Variants in TMOD3 observed in about 807,000 individuals in gnomAD.
TMOD3 encodes the protein tropomodulin 3.
TMOD3 carries 20 observed loss-of-function variants against 39.2 expected under a neutral mutation model. That is an observed-to-expected ratio of 0.51 (90% CI 0.36 to 0.74). The LOEUF (loss-of-function observed/expected upper bound fraction) is 0.74, where lower values mean the gene tolerates loss of function less well. Ranked by LOEUF, TMOD3 falls within the 30% of genes least tolerant of loss-of-function variation. TMOD3 has a pLI of 0.00. For synonymous variants in TMOD3, 143 were observed against 145.8 expected (o/e 0.98, Z 0.14); for missense variants, 381 against 412.8 (o/e 0.92, Z 0.67).
At chr15:51,904,514 C>G (rs77789465) in intron 9 of TMOD3, among the ~76,000 whole-genome samples, 3 of 152,282 alleles carry the variant, frequency 2.0e-5, no homozygotes, top group African/African-American at 4.8e-5. Flanking sequence ...CATTTTTCCT[C>G]TCCTTGGAAA....
chr15:51,884,227 G>A (rs1595904906), intron 3 of TMOD3, among the ~76,000 whole-genome samples: 1 of 152,192 alleles, frequency 6.6e-6, no homozygotes, highest in Non-Finnish European at 1.5e-5. Flanking sequence ...TGGACTGAAG[G>A]TGATCACCAA....
At chr15:51,846,669 A>G in intron 1 of TMOD3, among the ~76,000 whole-genome samples, 1 of 152,204 alleles carries the variant, frequency 6.6e-6, no homozygotes. Flanking sequence ...CTTTCCCTGT[A>G]AGCCACTTCA....
At chr15:51,881,058 C>G (rs982046097) in intron 3 of TMOD3, among the ~76,000 whole-genome samples, 6 of 152,146 alleles carry the variant, frequency 3.9e-5, no homozygotes, top group African/African-American at 1.4e-4. Flanking sequence ...TCCCTAATAA[C>G]TAATGATACT....
chr15:51,841,854 C>G (rs892036537), intron 1 of TMOD3, among the ~76,000 whole-genome samples: 2 of 152,208 alleles, frequency 1.3e-5, no homozygotes, highest in Non-Finnish European at 2.9e-5. Context: ...ACTGCAACCT[C>G]CGCTTCCTGT....
Position 51,851,208 on chromosome 15 carries a change from G to T in TMOD3, c.-74-11603G>T, listed in dbSNP as rs190694323. ...GGACTGGGCTGTGAGAAGAAAGAAG[G>T]TCAGGGAACTCAGAGTAAGGGGATC... On this transcript the variant is annotated intron_variant, in intron 1 of 9. Coordinates refer to ENST00000308580, the MANE Select transcript of TMOD3 (RefSeq NM_014547.5). Among the ~76,000 whole-genome samples, 1,355 of 152,260 alleles carry T rather than the reference G, an allele frequency of 8.9e-3. 23 individuals carry two copies. Among genetic ancestry groups the T allele is most frequent in the Non-Finnish European group, 8.5e-3 (581 of 68,008 alleles).
chr15:51,850,561 G>C (rs2056356623), intron 1 of TMOD3, among the ~76,000 whole-genome samples: 1 of 152,204 alleles, frequency 6.6e-6, no homozygotes, highest in East Asian at 1.9e-4. Flanking sequence ...ATCTAAGAGA[G>C]TAGGAGAGTG....
chr15:51,876,619 G>A (rs2056505222), intron 3 of TMOD3, among the ~76,000 whole-genome samples: 2 of 151,602 alleles, frequency 1.3e-5, no homozygotes, highest in African/African-American at 2.4e-5. Context: ...CTGCCACCTC[G>A]CCCGGCTAAT....
Position 51,829,902 on chromosome 15 carries a change from A to T in TMOD3, c.-75+66A>T, listed in dbSNP as rs564318667. 6 of 151,462 alleles carry T rather than the reference A, an allele frequency of 4.0e-5. No homozygotes were observed. In the East Asian group the frequency reaches 6.0e-4, roughly 15 times the overall value. 9.4% of individuals were successfully genotyped at this position (151,462 alleles called of 1,614,324 possible). ...GCGCGGGTAGGGAGTCGCACCGGCC[A>T]TGGTGGCTGAGGAGGGAGAGGTTGC... On this transcript the variant is annotated intron_variant, in intron 1 of 9. Coordinates refer to ENST00000308580, the MANE Select transcript of TMOD3 (RefSeq NM_014547.5).
chr15:51,849,983 G>A (rs1471648741), intron 1 of TMOD3, among the ~76,000 whole-genome samples: 2 of 151,912 alleles, frequency 1.3e-5, no homozygotes, highest in East Asian at 3.9e-4. Flanking sequence ...GTTGGATTTA[G>A]CACTGTGCTG....
chr15:51,889,175 A>C, intron 5 of TMOD3, 30 bp downstream of exon 5: 1 of 1,413,452 alleles, frequency 7.1e-7, no homozygotes, highest in East Asian at 2.3e-5. Context: ...TGTGAATTCT[A>C]ATCCTTTATT....
intron 3 of TMOD3, among the ~76,000 whole-genome samples, chr15:51,876,527 T>C (rs1201221651): frequency 6.7e-6 from 1 of 149,598 alleles, no homozygotes; most frequent in Non-Finnish European, 1.5e-5. Flanking sequence ...AGTGGTGTGA[T>C]CTCGGCTCAC....
chr15:51,839,985 C>T (rs966423808), intron 1 of TMOD3, among the ~76,000 whole-genome samples: 2 of 152,104 alleles, frequency 1.3e-5, no homozygotes, highest in African/African-American at 4.8e-5. Flanking sequence ...ACTGAGTCCC[C>T]TTATATTACT....
intron 1 of TMOD3, among the ~76,000 whole-genome samples, chr15:51,849,129 C>G (rs538748203): frequency 6.6e-6 from 1 of 152,238 alleles, no homozygotes; most frequent in Admixed American, 6.5e-5. Context: ...AAAGAGATGA[C>G]TTTTAAAGGT....
intron 1 of TMOD3, among the ~76,000 whole-genome samples, chr15:51,840,655 C>A (rs981149645): frequency 6.6e-6 from 1 of 152,126 alleles, no homozygotes; most frequent in African/African-American, 2.4e-5. Context: ...ATAATAATTT[C>A]TCCTGCCCTT....
intron 3 of TMOD3, among the ~76,000 whole-genome samples, chr15:51,871,611 T>G (rs2056475101): frequency 6.6e-6 from 1 of 152,142 alleles, no homozygotes; most frequent in Admixed American, 6.5e-5. Flanking sequence ...CCTTGTTTCA[T>G]AATCTCCAGT....
In TMOD3 at chr15:51,909,750, A is replaced by G. The variant is rs947590675; in HGVS notation, c.*940A>G. 5 of 152,348 alleles carry G rather than the reference A, an allele frequency of 3.3e-5. No individual in the cohort carries two copies. The highest frequency in any genetic ancestry group is 1.3e-4 in the Admixed American group (2 of 15,304). The allele number at this position is 152,348 out of a possible 1,614,324, so 9.4% of individuals were successfully genotyped here. A position where few individuals can be genotyped will look rare whatever the true frequency, so the allele number is the denominator to read the frequency against. On this transcript the variant is annotated 3_prime_UTR_variant, in exon 10 of 10. Coordinates refer to ENST00000308580, the MANE Select transcript of TMOD3 (RefSeq NM_014547.5). Reference sequence around the variant, plus strand: ...GTCATTTAAACTGATGGTTACTGTAAGTCAGTTGGAAGCTGGCATGTATGT... The same window carrying G: ...GTCATTTAAACTGATGGTTACTGTAGGTCAGTTGGAAGCTGGCATGTATGT...
intron 3 of TMOD3, among the ~76,000 whole-genome samples, chr15:51,881,239 A>G (rs2056531991): frequency 6.6e-6 from 1 of 151,452 alleles, no homozygotes; most frequent in Non-Finnish European, 1.5e-5. Flanking sequence ...CCAGCTATAC[A>G]TATTCTTTGT....
chr15:51,905,828 C>A (rs371788688), intron 9 of TMOD3, among the ~76,000 whole-genome samples: 1 of 151,068 alleles, frequency 6.6e-6, no homozygotes, highest in Non-Finnish European at 1.5e-5. Context: ...CCTGTAGTCC[C>A]AGCTACTCGG....
chr15:51,867,962 G>A (rs572099677), intron 2 of TMOD3, among the ~76,000 whole-genome samples: 11 of 152,288 alleles, frequency 7.2e-5, no homozygotes, highest in African/African-American at 2.4e-4. Flanking sequence ...GGCTGTACCC[G>A]TGTGGAAACC....
Sources: allele counts gnomAD v4.1 joint callset (sites outside exome capture counted in the v4.1 genomes callset), GRCh38; gene constraint gnomAD v4.1.1; transcripts MANE v1.5; gene names NCBI Gene and HGNC (gene_info 2026-07-23, HGNC 2026-07-21).